KREMEN1: variants seen among roughly 807,000 people sequenced by gnomAD.
The protein encoded by KREMEN1 is kringle containing transmembrane protein 1, also known as kremen protein 1.
A neutral mutation model predicts 46.5 loss-of-function variants in KREMEN1; 30 were observed. That is an observed-to-expected ratio of 0.65 (90% CI 0.48 to 0.88). The LOEUF (loss-of-function observed/expected upper bound fraction) is 0.88. Among genes scored for constraint, KREMEN1 ranks in the 40% least tolerant of loss-of-function variants. The probability of loss-of-function intolerance (pLI) is 0.00; values close to 1 mark genes in which losing one functional copy is unlikely to be tolerated. For synonymous variants in KREMEN1, 214 were observed against 230.6 expected, an observed-to-expected ratio of 0.93 and a Z score of 0.65; for missense variants, 533 against 596.9, an observed-to-expected ratio of 0.89 and a Z score of 1.11.
At chr22:29,114,972 A>G (rs963856679) in intron 3 of KREMEN1, among the ~76,000 whole-genome samples, 16 of 152,206 alleles carry the variant, frequency 1.1e-4, no homozygotes, top group African/African-American at 3.4e-4. Flanking sequence ...TGATGTTCCT[A>G]CATAGCCAAA....
intron 1 of KREMEN1, among the ~76,000 whole-genome samples, chr22:29,087,273 CAGT>C (rs1456428167): frequency 6.6e-6 from 1 of 151,880 alleles, no homozygotes; most frequent in Non-Finnish European, 1.5e-5. Context: ...AACATAAGAT[CAGT>C]AGAAGTGCTA....
intron 3 of KREMEN1, chr22:29,099,266 G>A (rs134666): frequency 0.76 from 171,349 of 226,368 alleles, 66,279 homozygotes; most frequent in African/African-American, 0.94. Flanking sequence ...GCCTAGGGGA[G>A]AAAAATATCT....
chr22:29,097,212 T>A (rs1374539214), intron 2 of KREMEN1, among the ~76,000 whole-genome samples: 1 of 152,226 alleles, frequency 6.6e-6, no homozygotes, highest in Non-Finnish European at 1.5e-5. Context: ...AGCTTTCCAG[T>A]GTTCTGAGTC....
intron 3 of KREMEN1, among the ~76,000 whole-genome samples, chr22:29,114,184 C>G (rs1187125422): frequency 6.6e-6 from 1 of 151,908 alleles, no homozygotes; most frequent in Admixed American, 6.6e-5. Context: ...ATTAGTGTCC[C>G]CATAAGGAGA....
At chr22:29,156,287 G>T (rs1345315519) in intron 9 of KREMEN1, among the ~76,000 whole-genome samples, 1 of 152,236 alleles carries the variant, frequency 6.6e-6, no homozygotes, top group Non-Finnish European at 1.5e-5. Flanking sequence ...AAGCCAAAAT[G>T]TCCTTCTCTT....
At chr22:29,150,678 G>A (rs553734024), downstream of KREMEN1, among the ~76,000 whole-genome samples, 3 of 152,298 alleles carry the variant, frequency 2.0e-5, no homozygotes, top group South Asian at 6.2e-4. Context: ...GGGGTATTCA[G>A]ACCTCAAATT....
Position 29,145,624 on chromosome 22 carries a change from C to G in KREMEN1, c.*3512C>G, listed in dbSNP as rs1309594457. 16 of 985,424 alleles carry G rather than the reference C, an allele frequency of 1.6e-5. No individual in the cohort carries two copies. Among genetic ancestry groups the G allele is most frequent in the Non-Finnish European group, 9.6e-6 (8 of 830,020 alleles). 61.0% of individuals were successfully genotyped at this position (985,424 alleles called of 1,614,324 possible). On this transcript the variant is annotated 3_prime_UTR_variant, in exon 9 of 9. Coordinates refer to ENST00000400335, the MANE Select transcript of KREMEN1 (RefSeq NM_001039570.3). ...CTTCTGAGAAGGCAGGCGGGAGGCA[C>G]ACGGTGCCCTGTTCTTCCCCGTTTG... is the stretch of plus-strand genomic sequence containing the variant.
At chr22:29,074,992 G>T (rs1010512985) in intron 1 of KREMEN1, among the ~76,000 whole-genome samples, 2 of 152,178 alleles carry the variant, frequency 1.3e-5, no homozygotes, top group African/African-American at 4.8e-5. Flanking sequence ...CCCTGGGAAT[G>T]CTAAGAGCTT....
At chr22:29,119,005 A>G (rs568906288) in intron 3 of KREMEN1, among the ~76,000 whole-genome samples, 4 of 152,286 alleles carry the variant, frequency 2.6e-5, no homozygotes, top group East Asian at 1.9e-4. Context: ...CTAATTTGCT[A>G]TAACAGCTCA....
rs2038675034 is a variant in KREMEN1 at position 29,137,250 on chromosome 22, G to A, written c.632-92G>A. On this transcript the variant is annotated intron_variant, in intron 5 of 8. Coordinates refer to ENST00000400335, the MANE Select transcript of KREMEN1 (RefSeq NM_001039570.3). Reference sequence around the variant, plus strand: ...GAAACAATGTCCTAAATGGGATCCTGCTCGTTAGGAAGGCTTTAGTGCCTT... The same window carrying A: ...GAAACAATGTCCTAAATGGGATCCTACTCGTTAGGAAGGCTTTAGTGCCTT... The A allele has an allele frequency of 9.2e-5, 79 of 863,296 alleles. 1 individual carries two copies. The East Asian group carries it at 2.1e-3, about 23-fold the overall frequency. 53.5% of individuals were successfully genotyped at this position (863,296 alleles called of 1,614,324 possible).
Position 29,142,477 on chromosome 22 carries a change from G to A in KREMEN1, c.*365G>A, listed in dbSNP as rs1323290199. The A allele has an allele frequency of 1.7e-5, 17 of 1,021,276 alleles. No homozygotes were observed. The highest frequency in any genetic ancestry group is 2.0e-5 in the Non-Finnish European group (17 of 854,354). 63.3% of individuals were successfully genotyped at this position (1,021,276 alleles called of 1,614,324 possible). On this transcript the variant is annotated 3_prime_UTR_variant, in exon 9 of 9. Coordinates refer to ENST00000400335, the MANE Select transcript of KREMEN1 (RefSeq NM_001039570.3). ...ACATTCTAGATGGCTGTCAGGTGGT[G>A]GGTAGCTTTAGTTACATTGAATTTT...
intron 8 of KREMEN1, 39 bp downstream of exon 8, chr22:29,140,405 AAGG>A: frequency 6.9e-7 from 1 of 1,447,478 alleles, no homozygotes. Context: ...CAGGAAAGGG[AAGG>A]CTCAGAGTTC....
chr22:29,097,024 G>A (rs913240537), intron 2 of KREMEN1, among the ~76,000 whole-genome samples: 1 of 152,246 alleles, frequency 6.6e-6, no homozygotes, highest in African/African-American at 2.4e-5. Context: ...GACTGGGGAA[G>A]AGCAGAGTTG....
At position 29,152,647 on chromosome 22, in the gene KREMEN1, C is replaced by G. The variant is rs531443544; in HGVS notation, c.1416+10547C>G. ...CCCTTGCACCCCTCCACTCTCCCCC[C>G]AACCCCTCCTGCTGACTCTTGGGGC... On this transcript the variant is annotated intron_variant, in intron 9 of 9. Transcript: ENST00000327813. Among the ~76,000 whole-genome samples, 25 of 152,260 alleles carry G rather than the reference C, an allele frequency of 1.6e-4. 2 individuals carry two copies. The highest frequency in any genetic ancestry group is 4.6e-4 in the African/African-American group (19 of 41,548).
At chr22:29,156,396 T>C (rs2038962057) in intron 9 of KREMEN1, among the ~76,000 whole-genome samples, 1 of 152,202 alleles carries the variant, frequency 6.6e-6, no homozygotes, top group South Asian at 2.1e-4. Context: ...ACTCTTGCAA[T>C]TTCTCCCTGA....
chr22:29,086,827 T>C (rs1275854876), intron 1 of KREMEN1, among the ~76,000 whole-genome samples: 1 of 152,144 alleles, frequency 6.6e-6, no homozygotes, highest in Non-Finnish European at 1.5e-5. Flanking sequence ...GGCATGACCA[T>C]GGCTCACTGC....
At chr22:29,109,707 G>A (rs1163632156) in intron 3 of KREMEN1, among the ~76,000 whole-genome samples, 1 of 152,224 alleles carries the variant, frequency 6.6e-6, no homozygotes, top group Non-Finnish European at 1.5e-5. Context: ...AGAGAAGCAA[G>A]TCCAGTGTCA....
At chr22:29,131,865 CTTTTTTTTTTTTTT>C (rs71196633) in intron 5 of KREMEN1, among the ~76,000 whole-genome samples, 2 of 45,830 alleles carry the variant, frequency 4.4e-5, no homozygotes, top group African/African-American at 9.7e-5. Flanking sequence ...TAGAATAATG[CTTTTTTTTTTTTTT>C]TTTTTTTTTT....
chr22:29,150,620 G>T (rs2038907725), downstream of KREMEN1, among the ~76,000 whole-genome samples: 1 of 152,150 alleles, frequency 6.6e-6, no homozygotes, highest in Admixed American at 6.5e-5. Context: ...ATGTTTAGTG[G>T]ACTTGCCTTA....
Sources: gnomAD v4.1 joint callset for allele counts (sites outside exome capture counted in the v4.1 genomes callset) on GRCh38, gnomAD v4.1.1 for gene constraint, MANE v1.5 for transcripts, NCBI Gene and HGNC (gene_info 2026-07-23, HGNC 2026-07-21) for gene names.